ZNF274: variants seen among roughly 807,000 people sequenced by gnomAD.
ZNF274 encodes zinc finger protein 274.
A neutral mutation model predicts 42.5 loss-of-function variants in ZNF274; 23 were observed. That is an observed-to-expected ratio of 0.54 (90% CI 0.39 to 0.77). The LOEUF is 0.77. ZNF274 is among the 30% of genes least tolerant of loss of function. ZNF274 has a pLI of 0.00. For synonymous variants in ZNF274, 292 were observed against 305.4 expected, an observed-to-expected ratio of 0.96 and a Z score of 0.46; for missense variants, 679 against 806.5, an observed-to-expected ratio of 0.84 and a Z score of 1.91.
intron 4 of ZNF274, among the ~76,000 whole-genome samples, chr19:58,203,579 C>CAAAAAAAAA (rs34444681): frequency 1.2e-5 from 1 of 80,302 alleles, no homozygotes; most frequent in African/African-American, 4.2e-5. Flanking sequence ...AACTCCGTCT[C>CAAAAAAAAA]AAAAAAAAAA....
intron 4 of ZNF274, among the ~76,000 whole-genome samples, chr19:58,200,357 TC>T (rs1467243998): frequency 6.6e-6 from 1 of 152,196 alleles, no homozygotes; most frequent in East Asian, 1.9e-4. Flanking sequence ...TATAGAAAGT[TC>T]CATTGGACAG....
At chr19:58,188,291 G>A (rs2075723680) in intron 4 of ZNF274, among the ~76,000 whole-genome samples, 1 of 151,512 alleles carries the variant, frequency 6.6e-6, no homozygotes. Flanking sequence ...TTGGGAGGCT[G>A]AGGTGGGAGG....
At chr19:58,195,995 A>G (rs1397552922) in intron 4 of ZNF274, among the ~76,000 whole-genome samples, 1 of 152,198 alleles carries the variant, frequency 6.6e-6, no homozygotes, top group East Asian at 1.9e-4. Flanking sequence ...AACAAATGCT[A>G]GGACAAATGG....
rs144272146 is a variant in ZNF274, at chr19:58,199,093, C to T, written c.257-7627C>T. Among the ~76,000 whole-genome samples the T allele has an allele frequency of 1.8e-3, 273 of 152,098 alleles. 3 individuals are homozygous for T. The highest frequency in any genetic ancestry group is 0.014 in the Admixed American group (220 of 15,260). On this transcript the variant is annotated intron_variant, in intron 4 of 7. Transcript: ENST00000617501. ...TAAAATGATACTATTTGGCTGGGCA[C>T]GGTGGCTCAGTCCTGTAATGCTGGC...
chr19:58,184,767 C>G, intron 2 of ZNF274: 1 of 152,070 alleles, frequency 6.6e-6, no homozygotes, highest in Admixed American at 6.6e-5. Context: ...TGGTGCAGCT[C>G]AGAGAATTCC....
chr19:58,206,592 C>CAGATGATACCATCT, intron 4 of ZNF274, 128 bp from the exon 5 acceptor site: 1 of 1,069,658 alleles, frequency 9.3e-7, no homozygotes. Context: ...TCTTTGGTAA[C>CAGATGATACCATCT]AGCCATGCTA....
chr19:58,202,047 G>A (rs1198911947), intron 4 of ZNF274, among the ~76,000 whole-genome samples: 3 of 152,200 alleles, frequency 2.0e-5, no homozygotes, highest in East Asian at 1.9e-4. Context: ...GGCACTGAGG[G>A]AATGATGAGA....
At chr19:58,188,289 C>T (rs2075723594) in intron 4 of ZNF274, among the ~76,000 whole-genome samples, 1 of 150,854 alleles carries the variant, frequency 6.6e-6, no homozygotes. Flanking sequence ...CTTTGGGAGG[C>T]TGAGGTGGGA....
chr19:58,205,043 G>T (rs2075966258), intron 4 of ZNF274, among the ~76,000 whole-genome samples: 1 of 152,250 alleles, frequency 6.6e-6, no homozygotes, highest in Non-Finnish European at 1.5e-5. Context: ...AGAGGTTGTG[G>T]GTCAGTGCTG....
rs1036617791 is a variant in ZNF274 at position 58,183,435 on chromosome 19, C to G, written c.-53C>G. The stretch of plus-strand genomic sequence containing the variant: ...GGCCGACGGGCGCCATTGTGCGGCG[C>G]GCGCCGGGTGAGTGCCGCGCGAAAC... On this transcript the variant is annotated 5_prime_UTR_variant, in exon 1 of 8. Coordinates refer to ENST00000617501, the MANE Select transcript of ZNF274 (RefSeq NM_133502.3). The G allele has an allele frequency of 6.6e-6, 1 of 152,320 alleles. No individual in the cohort carries two copies. Among genetic ancestry groups the G allele is most frequent in the Non-Finnish European group, 1.5e-5 (1 of 68,074 alleles). 9.4% of individuals were successfully genotyped at this position (152,320 alleles called of 1,614,324 possible).
chr19:58,206,831 C>T lies in ZNF274; in HGVS notation c.368C>T (p.Pro123Leu). ...ACACTGAACCAGGAGGTGGCTGGTC[C>T]CCGGAATGCCCAGATCCAGGCCCTA... The part of the protein sequence containing the change: ...VLTLNQEVAG[P>L]RNAQIQALYA... The change falls in exon 5 of 8, where the codon CCC (proline) becomes CTC (leucine). Residue 123 changes from proline (P) to leucine (L), a missense_variant. Pro to Leu is a moderately conservative substitution (Grantham distance 98). Transcript: ENST00000617501. 1 of 1,613,944 alleles carries T rather than the reference C, an allele frequency of 6.2e-7. No homozygotes were observed. Among genetic ancestry groups the T allele is most frequent in the Non-Finnish European group, 8.5e-7 (1 of 1,179,878 alleles).
In ZNF274 at chr19:58,207,255, C is replaced by T; in HGVS notation, c.739+53C>T. 6.5e-7 allele frequency: 1 copy of T among 1,535,440 alleles called. No individual in the cohort carries two copies. The highest frequency in any genetic ancestry group is 8.8e-7 in the Non-Finnish European group (1 of 1,141,564). ...GCTTAATGAGGGTGTCTTGGAGTAC[C>T]CTGTGGGGGAGATAAGAACTCCAGG... On this transcript the variant is annotated intron_variant, in intron 5 of 7. Transcript: ENST00000617501. The surrounding 1 kb of genome is among the most constrained non-coding windows in gnomAD (Gnocchi z 5.6).
In ZNF274 at chr19:58,213,448, C is replaced by T. The variant is rs1004724459; in HGVS notation, c.*305C>T. 8 of 302,196 alleles carry T rather than the reference C, an allele frequency of 2.6e-5. No individual in the cohort carries two copies. Among genetic ancestry groups the T allele is most frequent in the African/African-American group, 1.7e-4 (8 of 47,158 alleles). The allele number at this position is 302,196 out of a possible 1,614,324, so 18.7% of individuals were successfully genotyped here. A position where few individuals can be genotyped will look rare whatever the true frequency, so the allele number is the denominator to read the frequency against. The stretch of plus-strand genomic sequence containing the variant: ...ATGTTATATAATAACTTTAAAAAGC[C>T]AGGTAATTAATAATCTGCACTGATA... On this transcript the variant is annotated 3_prime_UTR_variant, in exon 8 of 8. Transcript: ENST00000617501.
intron 4 of ZNF274, among the ~76,000 whole-genome samples, chr19:58,203,165 GC>G (rs11392196): frequency 7.3e-5 from 11 of 151,102 alleles, no homozygotes; most frequent in South Asian, 2.1e-4. Flanking sequence ...CTGCCACTTA[GC>G]CCCCCCCCAG....
intron 1 of ZNF274, 178 bp from the exon 2 acceptor site, chr19:58,183,743 G>A (rs1478791830): frequency 1.1e-5 from 6 of 532,592 alleles, no homozygotes; most frequent in Non-Finnish European, 1.7e-5. Flanking sequence ...TCCTCTCGGG[G>A]AGGGGAAAAC....
At chr19:58,203,776 C>T (rs1028549769) in intron 4 of ZNF274, among the ~76,000 whole-genome samples, 2 of 152,062 alleles carry the variant, frequency 1.3e-5, no homozygotes, top group African/African-American at 4.8e-5. Context: ...ACCTCAAAAG[C>T]TTATTTGGGG....
At chr19:58,204,696 A>G (rs751626167) in intron 4 of ZNF274, among the ~76,000 whole-genome samples, 13 of 152,174 alleles carry the variant, frequency 8.5e-5, no homozygotes, top group Non-Finnish European at 1.6e-4. Context: ...TACTGCTTAC[A>G]AGGGAGTTTT....
intron 4 of ZNF274, chr19:58,202,569 G>A (rs182831834): frequency 6.6e-6 from 1 of 152,336 alleles, no homozygotes; most frequent in East Asian, 1.9e-4. Context: ...AAAGCCATTT[G>A]GAGCTCCAGC....
rs2146253584 is a variant in ZNF274, at chr19:58,211,524, C to T, written c.853-36C>T. ...TGCCCTCATTGACAACCCTCTGACC[C>T]TCTTGCTGAGCATAGACACATATGT... is the stretch of plus-strand genomic sequence containing the variant. On this transcript the variant is annotated intron_variant, in intron 6 of 7. Transcript: ENST00000617501. This position sits in a 1 kb window ranked among gnomAD's most constrained non-coding sequence, Gnocchi z 4.8. The T allele has an allele frequency of 6.3e-7, 1 of 1,591,672 alleles. No individual in the cohort carries two copies. Among genetic ancestry groups the T allele is most frequent in the Non-Finnish European group, 8.6e-7 (1 of 1,166,382 alleles).
Sources: allele counts gnomAD v4.1 joint callset (sites outside exome capture counted in the v4.1 genomes callset), GRCh38; gene constraint gnomAD v4.1.1; non-coding constraint Gnocchi (gnomAD v3.1); transcripts MANE v1.5; gene names NCBI Gene and HGNC (gene_info 2026-07-23, HGNC 2026-07-21).